Variants in RGS6 observed in about 807,000 individuals in gnomAD.
The protein encoded by RGS6 is regulator of G-protein signaling 6.
In RGS6, 30 loss-of-function variants were observed where a neutral mutation model predicts 78.5. The observed-to-expected ratio is 0.38, with a 90% CI of 0.29 to 0.52. The LOEUF is 0.52. Among genes scored for constraint, RGS6 ranks in the 20% least tolerant of loss-of-function variants. The pLI is 0.85. For synonymous variants in RGS6, 206 were observed against 206.0 expected (o/e 1.00, Z 0.00); for missense variants, 495 against 609.7 (o/e 0.81, Z 1.98).
intron 3 of RGS6, among the ~76,000 whole-genome samples, chr14:72,412,045 C>G (rs1388084806): frequency 6.6e-6 from 1 of 152,084 alleles, no homozygotes; most frequent in African/African-American, 2.4e-5. Context: ...TGTGGTGTCT[C>G]TGCCAGGCTT....
At chr14:72,357,104 C>G (rs1184812761) in intron 3 of RGS6, among the ~76,000 whole-genome samples, 3 of 151,986 alleles carry the variant, frequency 2.0e-5, no homozygotes, top group Non-Finnish European at 4.4e-5. Flanking sequence ...AGCCCTGTCT[C>G]TACTAAAAGT....
chr14:72,452,224 TTCTCTCTCTC>T (rs56308165), intron 3 of RGS6, among the ~76,000 whole-genome samples: 61 of 148,054 alleles, frequency 4.1e-4, no homozygotes, highest in South Asian at 2.9e-3. Flanking sequence ...CACATATTCA[TTCTCTCTCTC>T]TCTCTCTCTC....
chr14:71,968,908 G>A lies in RGS6; in HGVS notation c.84+4033G>A, dbSNP rs544431330. On this transcript the variant is annotated intron_variant, in intron 2 of 17. Coordinates refer to ENST00000553525, the MANE Select transcript of RGS6 (RefSeq NM_001204424.2). ...TGTTACATATGTATACATGTGCCAT[G>A]TTGGTGTGCTGCACCCATTAACTCT... 3.9e-4 allele frequency among the ~76,000 whole-genome samples: 60 copies of A among 152,306 alleles called. 1 individual carries two copies. The highest frequency in any genetic ancestry group is 1.4e-3 in the African/African-American group (57 of 41,560).
At chr14:71,867,389 C>G in the RGS6 span, among the ~76,000 whole-genome samples, 4 of 152,110 alleles carry the variant, frequency 2.6e-5, no homozygotes, top group African/African-American at 9.7e-5. Flanking sequence ...CACACTAGCA[C>G]CAACACCAAA....
intron 2 of RGS6, among the ~76,000 whole-genome samples, chr14:72,299,796 C>T (rs1011600717): frequency 6.6e-6 from 1 of 152,110 alleles, no homozygotes; most frequent in African/African-American, 2.4e-5. Flanking sequence ...GGGAAATATC[C>T]ATTCAGCCTT....
intron 3 of RGS6, among the ~76,000 whole-genome samples, chr14:72,361,408 T>A (rs1488473857): frequency 1.3e-5 from 2 of 152,186 alleles, no homozygotes; most frequent in Non-Finnish European, 2.9e-5. Flanking sequence ...AGAGTAGTAA[T>A]TACCACAAAT....
At chr14:72,120,707 C>A (rs1168175951) in intron 2 of RGS6, among the ~76,000 whole-genome samples, 1 of 152,114 alleles carries the variant, frequency 6.6e-6, no homozygotes, top group East Asian at 1.9e-4. Flanking sequence ...AGAAGCATGA[C>A]CCTTGGATTT....
intron 3 of RGS6, among the ~76,000 whole-genome samples, chr14:72,448,821 TG>T (rs1427241980): frequency 6.6e-6 from 1 of 152,210 alleles, no homozygotes. Context: ...AATAGTATAG[TG>T]GAAATAATAT....
chr14:72,153,890 CAG>C (rs1480350220), intron 2 of RGS6, among the ~76,000 whole-genome samples: 3 of 152,150 alleles, frequency 2.0e-5, no homozygotes, highest in African/African-American at 4.8e-5. Flanking sequence ...CAACAGAAAA[CAG>C]AGTTCGAGAG....
intron 3 of RGS6, among the ~76,000 whole-genome samples, chr14:72,363,307 G>T (rs905621122): frequency 6.6e-6 from 1 of 152,232 alleles, no homozygotes; most frequent in Admixed American, 6.5e-5. Context: ...ATGGAGTCTA[G>T]ATGAGGGAAT....
At chr14:72,571,212 A>G (rs2097719844), downstream of RGS6, among the ~76,000 whole-genome samples, 1 of 152,230 alleles carries the variant, frequency 6.6e-6, no homozygotes, top group Admixed American at 6.5e-5. Flanking sequence ...AGAAACATCC[A>G]GTGACTTACA....
chr14:72,252,125 C>T (rs1024570432), intron 2 of RGS6, among the ~76,000 whole-genome samples: 1 of 152,150 alleles, frequency 6.6e-6, no homozygotes, highest in Non-Finnish European at 1.5e-5. Context: ...GAATTCAGAC[C>T]TGTGGAAGAT....
intron 2 of RGS6, among the ~76,000 whole-genome samples, chr14:71,974,098 A>C (rs946378379): frequency 1.3e-5 from 2 of 152,160 alleles, no homozygotes; most frequent in Admixed American, 6.5e-5. Flanking sequence ...TCATTTTGGC[A>C]GGCAGTTGAT....
intron 2 of RGS6, among the ~76,000 whole-genome samples, chr14:72,302,439 A>C (rs913596045): frequency 6.6e-6 from 1 of 152,236 alleles, no homozygotes; most frequent in Non-Finnish European, 1.5e-5. Context: ...GTTGTCACTA[A>C]AAGGAGAACT....
At chr14:71,936,015 G>GATATATATATATATATATATATATATAT (rs55686505) in intron 1 of RGS6, among the ~76,000 whole-genome samples, 2 of 63,784 alleles carry the variant, frequency 3.1e-5, no homozygotes, top group African/African-American at 1.0e-4. Context: ...GAACTAATAG[G>GATATATATATATATATATATATATATAT]ATATATATAT....
Position 72,562,618 on chromosome 14 carries a change from T to A in RGS6, c.*151T>A, listed in dbSNP as rs2153557173. The A allele has an allele frequency of 6.5e-7, 1 of 1,532,660 alleles. No individual in the cohort carries two copies. Among genetic ancestry groups the A allele is most frequent in the South Asian group, 1.2e-5 (1 of 84,032 alleles). The allele number at this position is 1,532,660 out of a possible 1,614,324, so 94.9% of individuals were successfully genotyped here. A position where few individuals can be genotyped will look rare whatever the true frequency, so the allele number is the denominator to read the frequency against. On this transcript the variant is annotated 3_prime_UTR_variant, in exon 18 of 18. Coordinates refer to ENST00000553525, the MANE Select transcript of RGS6 (RefSeq NM_001204424.2). ...CAATGAAGGGCGATGGTGGGGAGAC[T>A]CGGTGGGTGAATGGGGAGACCAGAA... is the stretch of plus-strand genomic sequence containing the variant.
At chr14:72,062,342 A>G (rs1032393896) in intron 2 of RGS6, among the ~76,000 whole-genome samples, 1 of 152,190 alleles carries the variant, frequency 6.6e-6, no homozygotes. Context: ...GAAGCCAGAG[A>G]CGTGGTCAAG....
chr14:72,188,991 A>T (rs924266875), intron 2 of RGS6, among the ~76,000 whole-genome samples: 4 of 152,238 alleles, frequency 2.6e-5, no homozygotes, highest in African/African-American at 9.6e-5. Flanking sequence ...TCGAGGGATT[A>T]CAAAAGAAGA....
intron 2 of RGS6, among the ~76,000 whole-genome samples, chr14:72,155,029 C>T (rs1486580510): frequency 6.6e-6 from 1 of 152,212 alleles, no homozygotes; most frequent in African/African-American, 2.4e-5. Context: ...AACAATTTCA[C>T]CGTTAGGTGG....
Sources: allele counts gnomAD v4.1 joint callset (sites outside exome capture counted in the v4.1 genomes callset), GRCh38; gene constraint gnomAD v4.1.1; transcripts MANE v1.5; gene names NCBI Gene and HGNC (gene_info 2026-07-23, HGNC 2026-07-21).